ZNF385D: variants seen among roughly 807,000 people sequenced by gnomAD.
ZNF385D encodes the protein zinc finger protein 385D, also known as zinc finger protein 659.
In ZNF385D, 15 loss-of-function variants were observed where a neutral mutation model predicts 35.8. That is an observed-to-expected ratio of 0.42 (90% CI 0.28 to 0.64). ZNF385D has a LOEUF of 0.64. Among genes scored for constraint, ZNF385D ranks in the 30% least tolerant of loss-of-function variants. ZNF385D has a pLI of 0.23. For synonymous variants in ZNF385D, 212 were observed against 186.8 expected, an observed-to-expected ratio of 1.13 and a Z score of -1.10; for missense variants, 474 against 494.6, an observed-to-expected ratio of 0.96 and a Z score of 0.39.
chr3:22,196,481 T>C (rs993610225), intron 2 of ZNF385D, among the ~76,000 whole-genome samples: 3 of 152,132 alleles, frequency 2.0e-5, no homozygotes, highest in Admixed American at 6.6e-5. Flanking sequence ...CATTCTTTTT[T>C]CTTTCTCTTG....
chr3:22,336,481 T>G (rs779493437), intron 2 of ZNF385D, among the ~76,000 whole-genome samples: 7 of 152,160 alleles, frequency 4.6e-5, no homozygotes, highest in Non-Finnish European at 1.0e-4. Context: ...TATTTTTATA[T>G]TCTATGTGAC....
chr3:21,732,027 GGGGTTTTTTTTTTTTT>G (rs1157851158), intron 1 of ZNF385D, among the ~76,000 whole-genome samples: 1,977 of 64,232 alleles, frequency 0.031, 474 homozygotes, highest in African/African-American at 0.097. Context: ...TTCTTTTTTC[GGGGTTTTTTTTTTTTT>G]TTTTTTTTTT....
intron 3 of ZNF385D, among the ~76,000 whole-genome samples, chr3:21,760,383 C>T (rs182037792): frequency 6.6e-6 from 1 of 152,160 alleles, no homozygotes; most frequent in Non-Finnish European, 1.5e-5. Context: ...ATATGATCAA[C>T]TGGATTTCTC....
intron 1 of ZNF385D, among the ~76,000 whole-genome samples, chr3:21,704,339 G>A (rs1263041532): frequency 2.0e-5 from 3 of 151,966 alleles, no homozygotes; most frequent in African/African-American, 4.8e-5. Flanking sequence ...TGCTTTATGT[G>A]TACTTGCAAC....
At chr3:21,613,466 C>G (rs1211061023) in intron 2 of ZNF385D, among the ~76,000 whole-genome samples, 4 of 151,410 alleles carry the variant, frequency 2.6e-5, no homozygotes, top group African/African-American at 7.3e-5. Flanking sequence ...TTTTTAGAAG[C>G]AGGTTTTACA....
chr3:22,039,659 G>A (rs777247120), intron 3 of ZNF385D, among the ~76,000 whole-genome samples: 14 of 152,178 alleles, frequency 9.2e-5, no homozygotes, highest in Middle Eastern at 3.4e-3. Context: ...AGGAGAAACC[G>A]TAGCTTCATG....
chr3:22,040,164 C>T (rs1441011121), intron 3 of ZNF385D, among the ~76,000 whole-genome samples: 3 of 150,712 alleles, frequency 2.0e-5, no homozygotes, highest in East Asian at 2.0e-4. Flanking sequence ...TTCACCATTA[C>T]CCTCATGATT....
At chr3:22,120,861 G>A (rs1703056583) in intron 3 of ZNF385D, among the ~76,000 whole-genome samples, 4 of 152,048 alleles carry the variant, frequency 2.6e-5, no homozygotes, top group Admixed American at 2.6e-4. Context: ...ATTTTTAAAT[G>A]AGTACAATAT....
chr3:21,865,234 A>G (rs566394314), intron 3 of ZNF385D, among the ~76,000 whole-genome samples: 66 of 151,826 alleles, frequency 4.3e-4, no homozygotes, highest in African/African-American at 1.5e-3. Context: ...TAAGAAATAT[A>G]ATGAATCTGC....
chr3:22,368,962 G>A (rs1696782241), intron 2 of ZNF385D, among the ~76,000 whole-genome samples: 1 of 152,120 alleles, frequency 6.6e-6, no homozygotes. Context: ...AAATTACACT[G>A]GCAGTTTTTG....
intron 3 of ZNF385D, among the ~76,000 whole-genome samples, chr3:22,098,612 G>A (rs995866380): frequency 2.6e-5 from 4 of 152,038 alleles, no homozygotes; most frequent in Admixed American, 1.3e-4. Flanking sequence ...CACATTTGAA[G>A]TTCCCATCTG....
At chr3:21,962,724 A>T (rs1255190644) in intron 3 of ZNF385D, among the ~76,000 whole-genome samples, 2 of 152,148 alleles carry the variant, frequency 1.3e-5, no homozygotes, top group Non-Finnish European at 2.9e-5. Context: ...TTGGAACCAG[A>T]TGATTTTCTT....
At chr3:22,328,692 G>C (rs1367432401) in intron 2 of ZNF385D, among the ~76,000 whole-genome samples, 2 of 151,932 alleles carry the variant, frequency 1.3e-5, no homozygotes, top group Non-Finnish European at 2.9e-5. Flanking sequence ...GAACCTGGGA[G>C]GTGGAGGTTG....
intron 2 of ZNF385D, among the ~76,000 whole-genome samples, chr3:21,606,779 T>C (rs1367675563): frequency 2.0e-5 from 3 of 152,188 alleles, no homozygotes; most frequent in South Asian, 2.1e-4. Flanking sequence ...AGCCCTGCCA[T>C]CTCTCTCTGT....
intron 2 of ZNF385D, among the ~76,000 whole-genome samples, chr3:22,267,474 T>C (rs549165984): frequency 6.6e-6 from 1 of 152,034 alleles, no homozygotes; most frequent in South Asian, 2.1e-4. Flanking sequence ...ATTTTTATTA[T>C]TTTGAAACAG....
chr3:21,582,814 A>G (rs111501601), intron 2 of ZNF385D, among the ~76,000 whole-genome samples: 55,273 of 151,562 alleles, frequency 0.36, 10,239 homozygotes, highest in Middle Eastern at 0.41. Flanking sequence ...GTCTCGCTCT[A>G]TGGCCCAGGC....
chr3:21,743,118 C>G (rs939449597), intron 1 of ZNF385D, among the ~76,000 whole-genome samples: 5 of 152,130 alleles, frequency 3.3e-5, no homozygotes, highest in African/African-American at 9.7e-5. Context: ...GGACACAGCA[C>G]TACTGAATGG....
intron 2 of ZNF385D, among the ~76,000 whole-genome samples, chr3:22,371,289 C>A (rs1696893436): frequency 6.6e-6 from 1 of 152,182 alleles, no homozygotes; most frequent in South Asian, 2.1e-4. Flanking sequence ...GCACATTTCA[C>A]AGACCAGCTA....
intron 3 of ZNF385D, among the ~76,000 whole-genome samples, chr3:21,804,262 C>T (rs539013824): frequency 1.1e-4 from 16 of 152,020 alleles, no homozygotes; most frequent in Non-Finnish European, 5.9e-5. Flanking sequence ...ACAATTATTG[C>T]CCTTTATAAA....
Sources: allele counts gnomAD v4.1 joint callset (sites outside exome capture counted in the v4.1 genomes callset), GRCh38; gene constraint gnomAD v4.1.1; transcripts MANE v1.5; gene names NCBI Gene and HGNC (gene_info 2026-07-23, HGNC 2026-07-21).